The following CTNNBIP1 variants were observed in gnomAD, a reference collection of about 807,000 sequenced individuals.
CTNNBIP1 encodes the protein beta-catenin-interacting protein 1.
Under a neutral mutation model 11.8 loss-of-function variants are expected in CTNNBIP1, and 7 were observed. The ratio of observed to expected loss-of-function variants is 0.60; its 90% CI spans 0.34 to 1.12. The LOEUF (loss-of-function observed/expected upper bound fraction) is 1.12. CTNNBIP1 is among the 50% of genes most tolerant of loss of function. The pLI, the probability that CTNNBIP1 is intolerant of heterozygous loss-of-function variation, is 0.03. For synonymous variants in CTNNBIP1, 58 were observed against 43.9 expected (o/e 1.32, Z -1.26); for missense variants, 101 against 113.4 (o/e 0.89, Z 0.50).
At chr1:9,870,228 G>A (rs896055221) in intron 5 of CTNNBIP1, among the ~76,000 whole-genome samples, 4 of 152,242 alleles carry the variant, frequency 2.6e-5, no homozygotes, top group South Asian at 2.1e-4. Flanking sequence ...GGGCCCGCTC[G>A]CGTCTGGACA....
chr1:9,855,246 A>G (rs1638476445), intron 5 of CTNNBIP1, among the ~76,000 whole-genome samples: 1 of 149,102 alleles, frequency 6.7e-6, no homozygotes, highest in South Asian at 2.1e-4. Context: ...GGGAGTTTGT[A>G]AAAATTGCCT....
At chr1:9,858,703 A>G (rs1277422158) in intron 5 of CTNNBIP1, among the ~76,000 whole-genome samples, 1 of 152,202 alleles carries the variant, frequency 6.6e-6, no homozygotes, top group Non-Finnish European at 1.5e-5. Flanking sequence ...CTCCACTGGA[A>G]CGTACATCTC....
chr1:9,906,396 A>G (rs1424128543), intron 1 of CTNNBIP1, among the ~76,000 whole-genome samples: 2 of 152,148 alleles, frequency 1.3e-5, no homozygotes, highest in Non-Finnish European at 2.9e-5. Flanking sequence ...CATCTCTACT[A>G]AAAATACAAA....
chr1:9,897,983 G>C (rs1180337078), intron 1 of CTNNBIP1, among the ~76,000 whole-genome samples: 2 of 151,290 alleles, frequency 1.3e-5, no homozygotes, highest in Non-Finnish European at 2.9e-5. Flanking sequence ...AGCCGGGCGT[G>C]CTGGCACACG....
chr1:9,875,203 T>C (rs1638942404), intron 3 of CTNNBIP1, among the ~76,000 whole-genome samples: 1 of 152,060 alleles, frequency 6.6e-6, no homozygotes, highest in African/African-American at 2.4e-5. Flanking sequence ...AATCGTACTA[T>C]CACAAACCAC....
At position 9,871,076 on chromosome 1, in the gene CTNNBIP1, G is replaced by C; in HGVS notation, c.187+111C>G. The C allele has an allele frequency of 1.3e-6, 1 of 786,384 alleles. No homozygotes were observed. The highest frequency in any genetic ancestry group is 2.0e-6 in the Non-Finnish European group (1 of 491,764). The allele number at this position is 786,384 out of a possible 1,614,324, so 48.7% of individuals were successfully genotyped here. On this transcript the variant is annotated intron_variant, in intron 5 of 5. Transcript: ENST00000377263. This position sits in a 1 kb window ranked among gnomAD's most constrained non-coding sequence, Gnocchi z 5.2. The stretch of plus-strand genomic sequence containing the variant: ...TGTAGCCCCTCCTAGTCAGCCCTGG[G>C]TCTCATGGATCACCCATCAAAGAGG...
At chr1:9,904,975 T>G (rs1425009354) in intron 1 of CTNNBIP1, among the ~76,000 whole-genome samples, 2 of 152,170 alleles carry the variant, frequency 1.3e-5, no homozygotes, top group Non-Finnish European at 2.9e-5. Context: ...TCCCTCATCT[T>G]CAGGGGACCA....
chr1:9,900,065 T>G, intron 1 of CTNNBIP1, among the ~76,000 whole-genome samples: 1 of 146,268 alleles, frequency 6.8e-6, no homozygotes, highest in African/African-American at 2.6e-5. Flanking sequence ...CAAGACTCCG[T>G]CTCAAGAAAA....
At chr1:9,860,838 C>T (rs1378853027) in intron 5 of CTNNBIP1, among the ~76,000 whole-genome samples, 5 of 152,162 alleles carry the variant, frequency 3.3e-5, no homozygotes, top group African/African-American at 1.2e-4. Context: ...AGCCTTACTC[C>T]TCCTAAAGAG....
chr1:9,887,572 A>G (rs7533225), intron 1 of CTNNBIP1, among the ~76,000 whole-genome samples: 17,849 of 151,866 alleles, frequency 0.12, 2,902 homozygotes, highest in African/African-American at 0.35. Context: ...GCATGGTGGC[A>G]CACGCCTGTA....
intron 1 of CTNNBIP1, among the ~76,000 whole-genome samples, chr1:9,887,605 A>C (rs1639212208): frequency 6.6e-6 from 1 of 151,852 alleles, no homozygotes; most frequent in African/African-American, 2.4e-5. Flanking sequence ...CGGGAGGCTG[A>C]GGCAAGAGAA....
At chr1:9,870,173 A>G (rs907973719) in intron 5 of CTNNBIP1, among the ~76,000 whole-genome samples, 4 of 152,384 alleles carry the variant, frequency 2.6e-5, no homozygotes, top group Admixed American at 2.0e-4. Context: ...CCCGCATGCC[A>G]GCCTCAAAGC....
chr1:9,886,847 C>T (rs1639196611), intron 1 of CTNNBIP1, among the ~76,000 whole-genome samples: 1 of 152,168 alleles, frequency 6.6e-6, no homozygotes, highest in Non-Finnish European at 1.5e-5. Flanking sequence ...AGGGAATTTC[C>T]ACACGCTCCA....
intron 1 of CTNNBIP1, among the ~76,000 whole-genome samples, chr1:9,890,462 C>T (rs1639278408): frequency 6.6e-6 from 1 of 152,174 alleles, no homozygotes; most frequent in Non-Finnish European, 1.5e-5. Context: ...ACAGCTGGAG[C>T]CCTGGAACCT....
rs1638323970 is a variant in CTNNBIP1, at chr1:9,849,199, T to G, written c.*1519A>C. 6.6e-6 allele frequency: 1 copy of G among 152,306 alleles called. No homozygotes were observed. The highest frequency in any genetic ancestry group is 1.5e-5 in the Non-Finnish European group (1 of 68,160). 9.4% of individuals were successfully genotyped at this position (152,306 alleles called of 1,614,324 possible). On this transcript the variant is annotated 3_prime_UTR_variant, in exon 6 of 6. Coordinates refer to ENST00000377263, the MANE Select transcript of CTNNBIP1 (RefSeq NM_020248.3). ...GGCAGGTGGAAGGACTTAGGTTTGG[T>G]GCAGGAACACTAGACCTGCCCCTCA...
chr1:9,855,255 CTTTTTTTTT>C (rs35112494), intron 5 of CTNNBIP1, among the ~76,000 whole-genome samples: 2 of 127,414 alleles, frequency 1.6e-5, no homozygotes, highest in East Asian at 4.4e-4. Flanking sequence ...TAAAAATTGC[CTTTTTTTTT>C]TTTTTTTTTG....
intron 3 of CTNNBIP1, among the ~76,000 whole-genome samples, chr1:9,873,797 C>T (rs1051658821): frequency 2.6e-5 from 4 of 152,132 alleles, no homozygotes; most frequent in African/African-American, 7.2e-5. Flanking sequence ...TGTAGTGGCG[C>T]GATCATAGCT....
intron 5 of CTNNBIP1, among the ~76,000 whole-genome samples, chr1:9,852,626 C>A (rs1173143667): frequency 6.6e-6 from 1 of 152,232 alleles, no homozygotes; most frequent in Non-Finnish European, 1.5e-5. Flanking sequence ...TGCACGGCAG[C>A]TGAGTTGGTT....
rs1286606147 is a variant in CTNNBIP1, at chr1:9,849,874, A to C, written c.*844T>G. 6.6e-6 allele frequency: 1 copy of C among 152,018 alleles called. No individual in the cohort carries two copies. Among genetic ancestry groups the C allele is most frequent in the African/African-American group, 2.4e-5 (1 of 41,374 alleles). 9.4% of individuals were successfully genotyped at this position (152,018 alleles called of 1,614,324 possible). Reference sequence around the variant, plus strand: ...GGCCCTGGGCTGCTCGTTCAAGACGACACAAAGCTCCTCAGGGGCCCAACT... The same window carrying C: ...GGCCCTGGGCTGCTCGTTCAAGACGCCACAAAGCTCCTCAGGGGCCCAACT... On this transcript the variant is annotated 3_prime_UTR_variant, in exon 6 of 6. Transcript: ENST00000377263.
Sources: gnomAD v4.1 joint callset for allele counts (sites outside exome capture counted in the v4.1 genomes callset) on GRCh38, gnomAD v4.1.1 for gene constraint, Gnocchi (gnomAD v3.1) non-coding constraint, MANE v1.5 for transcripts, NCBI Gene and HGNC (gene_info 2026-07-23, HGNC 2026-07-21) for gene names.